The following SNRPN variants were observed in gnomAD, a reference collection of about 807,000 sequenced individuals.
SNRPN encodes the protein small nuclear ribonucleoprotein polypeptide N.
Under a neutral mutation model 25.2 loss-of-function variants are expected in SNRPN, and 7 were observed. That is an observed-to-expected ratio of 0.28 (90% CI 0.16 to 0.52). SNRPN has a LOEUF of 0.52. SNRPN is among the 20% of genes least tolerant of loss of function. SNRPN has a pLI of 0.96. For synonymous variants in SNRPN, 124 were observed against 110.6 expected (o/e 1.12, Z -0.76); for missense variants, 196 against 322.5 (o/e 0.61, Z 3.00).
chr15:24,899,542 A>G (rs1237586193), intron 2 of SNRPN, among the ~76,000 whole-genome samples: 1 of 152,232 alleles, frequency 6.6e-6, no homozygotes, highest in Admixed American at 6.5e-5. Flanking sequence ...ATATTTCTAC[A>G]GTATGCATGA....
intron 1 of SNRPN, among the ~76,000 whole-genome samples, chr15:24,864,501 G>A (rs1021503992): frequency 4.8e-4 from 73 of 151,352 alleles, no homozygotes; most frequent in African/African-American, 9.5e-4. Flanking sequence ...CCGCCACCAC[G>A]CCCAGCTAAT....
At chr15:24,923,908 TG>T (rs1295116990) in intron 3 of SNRPN, among the ~76,000 whole-genome samples, 2 of 115,740 alleles carry the variant, frequency 1.7e-5, no homozygotes, top group African/African-American at 6.9e-5. Flanking sequence ...TGTGTGTGTG[TG>T]TGTGTATATA....
At chr15:24,916,851 G>A (rs1237626488) in intron 2 of SNRPN, among the ~76,000 whole-genome samples, 1 of 152,196 alleles carries the variant, frequency 6.6e-6, no homozygotes, top group East Asian at 1.9e-4. Context: ...ACTCTTAAAG[G>A]TGGCACAGAC....
At chr15:24,848,445 C>T (rs2052469781) in intron 2 of SNRPN, 1 of 152,086 alleles carries the variant, frequency 6.6e-6, no homozygotes, top group Admixed American at 6.5e-5. Flanking sequence ...GTAAAATTTT[C>T]CTCTCTAGGT....
chr15:24,859,570 TA>T (rs2053795035), intron 1 of SNRPN, among the ~76,000 whole-genome samples: 1 of 152,230 alleles, frequency 6.6e-6, no homozygotes, highest in Non-Finnish European at 1.5e-5. Flanking sequence ...ACTTTATGGA[TA>T]TTTTTATTCC....
chr15:24,874,672 C>T (rs373003481), intron 1 of SNRPN, among the ~76,000 whole-genome samples: 4 of 152,274 alleles, frequency 2.6e-5, no homozygotes, highest in East Asian at 3.9e-4. Context: ...CTTTGATTGA[C>T]GTCTTCTGGT....
intron 2 of SNRPN, among the ~76,000 whole-genome samples, chr15:24,831,246 T>G (rs1438180989): frequency 6.6e-6 from 1 of 152,068 alleles, no homozygotes; most frequent in African/African-American, 2.4e-5. Context: ...CTAATAAAGC[T>G]ATGCCTGCTT....
At chr15:24,880,311 G>T (rs1453151036) in intron 1 of SNRPN, among the ~76,000 whole-genome samples, 3 of 152,170 alleles carry the variant, frequency 2.0e-5, no homozygotes, top group African/African-American at 7.2e-5. Context: ...GTGGTGGAGG[G>T]ATGGGAGGAA....
chr15:24,913,903 T>C (rs2059367074), intron 2 of SNRPN, among the ~76,000 whole-genome samples: 1 of 152,210 alleles, frequency 6.6e-6, no homozygotes. Context: ...TTTAGAGAAG[T>C]GAAAAGATAA....
intron 2 of SNRPN, among the ~76,000 whole-genome samples, chr15:24,838,874 G>A (rs567417537): frequency 1.3e-5 from 2 of 152,178 alleles, no homozygotes; most frequent in African/African-American, 4.8e-5. Context: ...CATAGAAAGT[G>A]GGGGTCACCT....
chr15:24,920,293 C>T (rs1311595792), intron 3 of SNRPN, among the ~76,000 whole-genome samples: 3 of 152,128 alleles, frequency 2.0e-5, no homozygotes, highest in African/African-American at 7.2e-5. Flanking sequence ...TACGATTTAA[C>T]TGCATAATTT....
At chr15:24,930,959 A>G (rs1194275292) in intron 3 of SNRPN, among the ~76,000 whole-genome samples, 1 of 151,688 alleles carries the variant, frequency 6.6e-6, no homozygotes, top group Non-Finnish European at 1.5e-5. Flanking sequence ...CCAGCTACTC[A>G]AGAGGCTGAG....
rs1463797517 is a variant in SNRPN at position 24,872,315 on chromosome 15, C to T, written c.-578-14201C>T. On this transcript the variant is annotated intron_variant, in intron 1 of 11. Transcript: ENST00000400097. ...CCCAAGAGGCTAGGATTACAGGTGC[C>T]TGCCACCACACTAGGCTAATTTTGT... 1.7e-5 allele frequency among the ~76,000 whole-genome samples: 2 copies of T among 117,514 alleles called. 1 individual carries two copies. The highest frequency in any genetic ancestry group is 3.8e-5 in the Non-Finnish European group (2 of 53,260). The allele number at this position is 117,514 out of a possible 152,430, so 77.1% of individuals were successfully genotyped here. A position where few individuals can be genotyped will look rare whatever the true frequency, so the allele number is the denominator to read the frequency against.
In SNRPN at chr15:24,977,834, C is replaced by T. The variant is rs2077238452; in HGVS notation, c.477C>T (p.Ala159=). 1.9e-6 allele frequency: 3 copies of T among 1,613,200 alleles called. No homozygotes were observed. The South Asian group carries it at 3.3e-5, about 18-fold the overall frequency. Residue 159 remains alanine (A), a synonymous_variant, in exon 8 of 10, where the codon GCC becomes GCT. Coordinates refer to ENST00000390687, the MANE Select transcript of SNRPN (RefSeq NM_003097.6). ...TVAAAAVAAT[A]SIAGAPTQYP... is the part of the protein sequence containing the mutation. Reference sequence around the variant, plus strand: ...CAGCTGCTGCTGTTGCTGCGACTGCCAGTATTGCTGGAGCCCCAACACAGT... The same window carrying T: ...CAGCTGCTGCTGTTGCTGCGACTGCTAGTATTGCTGGAGCCCCAACACAGT...
intron 3 of SNRPN, among the ~76,000 whole-genome samples, chr15:24,948,064 C>T (rs552085558): frequency 6.6e-6 from 1 of 152,010 alleles, no homozygotes; most frequent in Non-Finnish European, 1.5e-5. Context: ...CAGTGTTTCA[C>T]AATGTAATCG....
chr15:24,859,370 C>CAAG (rs1251067108), intron 1 of SNRPN, among the ~76,000 whole-genome samples: 1 of 151,964 alleles, frequency 6.6e-6, no homozygotes, highest in East Asian at 1.9e-4. Flanking sequence ...CAAATGCCAA[C>CAAG]AAGATTGTAT....
At chr15:24,953,327 TTTTA>T (rs1199270570), upstream of SNRPN, among the ~76,000 whole-genome samples, 3 of 151,146 alleles carry the variant, frequency 2.0e-5, no homozygotes, top group African/African-American at 7.4e-5. Context: ...TATGCTTTTA[TTTTA>T]TTTATTTTTT....
At chr15:24,925,209 A>G (rs1279051955) in intron 3 of SNRPN, among the ~76,000 whole-genome samples, 1 of 152,170 alleles carries the variant, frequency 6.6e-6, no homozygotes, top group East Asian at 1.9e-4. Context: ...CATAGTATAT[A>G]TGTTGCTTAC....
chr15:24,845,742 T>C (rs879583900), intron 2 of SNRPN, among the ~76,000 whole-genome samples: 3 of 151,260 alleles, frequency 2.0e-5, no homozygotes, highest in Non-Finnish European at 4.4e-5. Context: ...CTAAAAAAAA[T>C]ATAAAAAATC....
Sources: allele counts gnomAD v4.1 joint callset (sites outside exome capture counted in the v4.1 genomes callset), GRCh38; gene constraint gnomAD v4.1.1; transcripts MANE v1.5; gene names NCBI Gene and HGNC (gene_info 2026-07-23, HGNC 2026-07-21).